Variants in GNE observed in about 807,000 individuals in gnomAD.
GNE encodes the protein bifunctional UDP-N-acetylglucosamine 2-epimerase/N-acetylmannosamine kinase.
Under a neutral mutation model 61.8 loss-of-function variants are expected in GNE, and 41 were observed. The observed-to-expected ratio is 0.66, with a 90% confidence interval of 0.52 to 0.86. The LOEUF is 0.86. GNE is among the 40% of genes least tolerant of loss of function. The probability of loss-of-function intolerance (pLI) is 0.00; values close to 1 mark genes in which losing one functional copy is unlikely to be tolerated. For missense variants in GNE, 608 were observed against 909.1 expected (o/e 0.67, Z 4.26); for synonymous variants, 264 against 326.4 (o/e 0.81, Z 2.06).
At chr9:36,228,793 C>CAAA (rs71336431) in intron 6 of GNE, among the ~76,000 whole-genome samples, 14 of 72,486 alleles carry the variant, frequency 1.9e-4, no homozygotes, top group Non-Finnish European at 3.1e-4. Flanking sequence ...GAGTCCATCT[C>CAAA]AAAAAAAAAA....
rs616009 is a variant in GNE, at chr9:36,217,801, G to A, written c.1934-201C>T. ...GTGACAGCCTCAAGTGGAAAAAGCC[G>A]GGTGTACCACATGATCTCCACTAGG... On this transcript the variant is annotated intron_variant, in intron 11 of 11. Transcript: ENST00000642385. Among the ~76,000 whole-genome samples the A allele has an allele frequency of 0.42, 64,227 of 151,934 alleles. 14,759 individuals are homozygous for A. Among genetic ancestry groups the A allele is most frequent in the Non-Finnish European group, 0.52 (35,218 of 67,946 alleles).
chr9:36,249,894 AAAG>A (rs1038320821), intron 1 of GNE, among the ~76,000 whole-genome samples: 15 of 152,194 alleles, frequency 9.9e-5, no homozygotes, highest in African/African-American at 2.2e-4. Flanking sequence ...AAAAAAAAAA[AAAG>A]AAGAAGAAAC....
intron 1 of GNE, among the ~76,000 whole-genome samples, chr9:36,271,466 C>T (rs1002191144): frequency 2.2e-4 from 33 of 152,162 alleles, no homozygotes; most frequent in African/African-American, 5.3e-4. Context: ...CTCCACCTCC[C>T]GGGTTCAAGC....
chr9:36,255,827 A>G (rs937497189), intron 1 of GNE, among the ~76,000 whole-genome samples: 3 of 151,728 alleles, frequency 2.0e-5, no homozygotes, highest in Admixed American at 6.6e-5. Context: ...AATAGGTGAC[A>G]GATGGATGGA....
At chr9:36,258,591 G>A, upstream of GNE, 7 of 836,584 alleles carry the variant, frequency 8.4e-6, no homozygotes, top group Non-Finnish European at 8.6e-6. Context: ...CCTTCCCGGC[G>A]GTATTTTGAG....
Position 36,217,036 on chromosome 9 carries a change from G to A in GNE, c.*329C>T, listed in dbSNP as rs1828344050. ...TCCCAGGCAAGGCCTGAAGGTCTCA[G>A]TGGTATTAATACATTAGTAAGCAGA... is the stretch of plus-strand genomic sequence containing the variant. On this transcript the variant is annotated 3_prime_UTR_variant, in exon 12 of 12. Coordinates refer to ENST00000642385, the MANE Select transcript of GNE (RefSeq NM_005476.7). 2 of 376,952 alleles carry A rather than the reference G, an allele frequency of 5.3e-6. No individual in the cohort carries two copies. The highest frequency in any genetic ancestry group is 3.8e-5 in the Admixed American group (1 of 26,158). 23.4% of individuals were successfully genotyped at this position (376,952 alleles called of 1,614,324 possible).
At position 36,258,310 on chromosome 9, in the gene GNE, G is replaced by A; in HGVS notation, c.-43+11C>T. ...CTCTCCCGGAGTCCCACGCCGCCGCGCGGCTCTCACCAGACGCCGTCAGAG... is the reference window on the plus strand; with the variant it reads ...CTCTCCCGGAGTCCCACGCCGCCGCACGGCTCTCACCAGACGCCGTCAGAG... On this transcript the variant is annotated intron_variant, in intron 1 of 11. Coordinates refer to ENST00000642385, the MANE Select transcript of GNE (RefSeq NM_005476.7). 2.0e-6 allele frequency: 2 copies of A among 985,296 alleles called. No homozygotes were observed. Among genetic ancestry groups the A allele is most frequent in the Admixed American group, 1.2e-4 (2 of 16,288 alleles). 61.0% of individuals were successfully genotyped at this position (985,296 alleles called of 1,614,324 possible).
At chr9:36,236,618 T>C (rs1306898787) in intron 4 of GNE, among the ~76,000 whole-genome samples, 1 of 152,220 alleles carries the variant, frequency 6.6e-6, no homozygotes, top group Non-Finnish European at 1.5e-5. Flanking sequence ...GTAGACAGAC[T>C]TTTTATTATT....
intron 1 of GNE, among the ~76,000 whole-genome samples, chr9:36,257,802 CAAAAAAAAAAAAAAAA>C (rs60845805): frequency 2.1e-3 from 53 of 25,248 alleles, no homozygotes; most frequent in Non-Finnish European, 2.5e-3. Context: ...GACTCAGTCT[CAAAAAAAAAAAAAAAA>C]AAAAAAAAAA....
chr9:36,231,023 T>C (rs1277157160), intron 5 of GNE, among the ~76,000 whole-genome samples: 1 of 135,114 alleles, frequency 7.4e-6, no homozygotes, highest in Non-Finnish European at 1.5e-5. Context: ...TGTTTACAAC[T>C]AATTGATCAC....
At chr9:36,252,948 C>T (rs560537523) in intron 1 of GNE, among the ~76,000 whole-genome samples, 33 of 152,206 alleles carry the variant, frequency 2.2e-4, no homozygotes, top group Non-Finnish European at 4.1e-4. Flanking sequence ...CACGAGAGGT[C>T]AGGAATTCAA....
At chr9:36,261,883 A>C (rs1830628905), upstream of GNE, among the ~76,000 whole-genome samples, 2 of 150,846 alleles carry the variant, frequency 1.3e-5, no homozygotes, top group South Asian at 2.1e-4. Flanking sequence ...AGATCGCGCC[A>C]CTGCACTCCA....
rs137949937 is a variant in GNE at position 36,240,964 on chromosome 9, G to C, written c.617-3980C>G. ...CAAGGTGTTCATAGTAGCCTTGAATGATCTTTTGTATTTCAGTAGTGTCAG... is the reference window on the plus strand; with the variant it reads ...CAAGGTGTTCATAGTAGCCTTGAATCATCTTTTGTATTTCAGTAGTGTCAG... On this transcript the variant is annotated intron_variant, in intron 3 of 11. Coordinates refer to ENST00000642385, the MANE Select transcript of GNE (RefSeq NM_005476.7). Among the ~76,000 whole-genome samples, 220 of 152,148 alleles carry C rather than the reference G, an allele frequency of 1.4e-3. 1 individual carries two copies. Among genetic ancestry groups the C allele is most frequent in the African/African-American group, 5.0e-3 (209 of 41,504 alleles).
At chr9:36,223,745 G>A (rs2133026800) in intron 7 of GNE, among the ~76,000 whole-genome samples, 1 of 151,862 alleles carries the variant, frequency 6.6e-6, no homozygotes, top group South Asian at 2.1e-4. Flanking sequence ...GCAGCAAGAT[G>A]GGCCCCTCTC....
At chr9:36,227,521 G>C (rs1340893722) in intron 6 of GNE, 63 bp from the exon 7 acceptor site, 7 of 1,016,928 alleles carry the variant, frequency 6.9e-6, no homozygotes, top group Non-Finnish European at 7.8e-6. Flanking sequence ...GTGGTAGTGA[G>C]GGTATAATGT....
chr9:36,229,980 T>C (rs1829067964), intron 5 of GNE, among the ~76,000 whole-genome samples: 1 of 152,136 alleles, frequency 6.6e-6, no homozygotes, highest in Non-Finnish European at 1.5e-5. Flanking sequence ...AAAGTCTTGC[T>C]CTGTTGCCCA....
chr9:36,257,661 G>T (rs1444399201), intron 1 of GNE, among the ~76,000 whole-genome samples: 2 of 151,166 alleles, frequency 1.3e-5, no homozygotes, highest in African/African-American at 4.9e-5. Context: ...AAATTAGCCG[G>T]GCGTGGTGGT....
chr9:36,259,715 C>CAGTG (rs1473254948), upstream of GNE, among the ~76,000 whole-genome samples: 2 of 152,196 alleles, frequency 1.3e-5, no homozygotes, highest in Non-Finnish European at 2.9e-5. Flanking sequence ...GGCTGGAGTA[C>CAGTG]AGTGGTACGA....
chr9:36,247,270 T>C (rs1158495584), intron 2 of GNE, among the ~76,000 whole-genome samples: 1 of 152,016 alleles, frequency 6.6e-6, no homozygotes, highest in Non-Finnish European at 1.5e-5. Flanking sequence ...TTGGCCAGGA[T>C]GGTCTCAATC....
Sources: allele counts gnomAD v4.1 joint callset (sites outside exome capture counted in the v4.1 genomes callset), GRCh38; gene constraint gnomAD v4.1.1; transcripts MANE v1.5; gene names NCBI Gene and HGNC (gene_info 2026-07-23, HGNC 2026-07-21).